The following NBR1 variants were observed in gnomAD, a reference collection of about 807,000 sequenced individuals.
The protein encoded by NBR1 is NBR1 autophagy cargo receptor, also known as next to BRCA1 gene 1 protein.
A neutral mutation model predicts 115.5 loss-of-function variants in NBR1; 59 were observed. That is an observed-to-expected ratio of 0.51 (90% CI 0.41 to 0.63). The LOEUF (loss-of-function observed/expected upper bound fraction) is 0.63. Ranked by LOEUF, NBR1 falls within the 30% of genes least tolerant of loss-of-function variation. The pLI is 0.00. For synonymous variants in NBR1, 373 were observed against 414.7 expected (o/e 0.90, Z 1.22); for missense variants, 1,043 against 1,150.5 (o/e 0.91, Z 1.35).
chr17:43,197,288 G>A (rs1400523348), intron 16 of NBR1, among the ~76,000 whole-genome samples, 182 bp downstream of exon 16: 2 of 152,190 alleles, frequency 1.3e-5, no homozygotes, highest in Non-Finnish European at 2.9e-5. Context: ...GGGAGGCCAA[G>A]GCAGGCGGAT....
chr17:43,204,006 C>T (rs1187433299), intron 20 of NBR1, among the ~76,000 whole-genome samples: 1 of 150,702 alleles, frequency 6.6e-6, no homozygotes, highest in South Asian at 2.1e-4. Flanking sequence ...GGCGCGATCT[C>T]GGCTCACTGC....
intron 20 of NBR1, among the ~76,000 whole-genome samples, chr17:43,204,813 T>TAA (rs1214948352): frequency 0.84 from 102,166 of 122,130 alleles, 45,159 homozygotes; most frequent in East Asian, 0.97. Context: ...GACTCCATCT[T>TAA]AAAAAAAAAA....
At chr17:43,208,682 G>C (rs2057360851) in intron 20 of NBR1, among the ~76,000 whole-genome samples, 2 of 152,188 alleles carry the variant, frequency 1.3e-5, no homozygotes, top group African/African-American at 4.8e-5. Flanking sequence ...AACAGAACCA[G>C]AGGCCAGGCG....
At chr17:43,184,379 T>TTTTTTTTTTTA (rs2056750775) in intron 5 of NBR1, among the ~76,000 whole-genome samples, 1 of 140,920 alleles carries the variant, frequency 7.1e-6, no homozygotes, top group Non-Finnish European at 1.6e-5. Flanking sequence ...ATTCTTTTTT[T>TTTTTTTTTTTA]TTTTGAGACA....
rs1307705267 is a variant in NBR1 at position 43,186,426 on chromosome 17, A to G, written c.384A>G (p.Pro128=). The change falls in exon 6 of 21, where the codon CCA becomes CCG. Residue 128 remains proline (P), a synonymous_variant. Transcript: ENST00000590996. ...TCTTGGGATCAGACATGAAGACCCC[A>G]GAGGATCCTGCAGTGCAGGTATGAA... The part of the protein sequence containing the change: ...VRVLGSDMKT[P]EDPAVQSFPL... 2.5e-6 allele frequency: 4 copies of G among 1,590,622 alleles called. No individual in the cohort carries two copies. Among genetic ancestry groups the G allele is most frequent in the Admixed American group, 1.8e-5 (1 of 54,670 alleles).
chr17:43,207,926 T>C (rs1426199291), intron 20 of NBR1, among the ~76,000 whole-genome samples: 1 of 152,060 alleles, frequency 6.6e-6, no homozygotes, highest in Non-Finnish European at 1.5e-5. Context: ...CTACAGATTA[T>C]AGCAGAAGCC....
intron 3 of NBR1, among the ~76,000 whole-genome samples, chr17:43,178,768 C>CT (rs770102583): frequency 3.2e-3 from 408 of 127,190 alleles, no homozygotes; most frequent in South Asian, 3.8e-3. Context: ...AATGGCTAAG[C>CT]TTTTTTTTTT....
At chr17:43,184,216 T>A (rs1266298017) in intron 5 of NBR1, among the ~76,000 whole-genome samples, 3 of 151,128 alleles carry the variant, frequency 2.0e-5, no homozygotes, top group Non-Finnish European at 4.4e-5. Flanking sequence ...CATGCTCCGA[T>A]GATTTTTAAA....
rs1197280280 is a variant in NBR1, at chr17:43,175,775, A to G, written c.-9-16A>G. The G allele has an allele frequency of 3.1e-6, 4 of 1,271,146 alleles. No individual in the cohort carries two copies. The Admixed American group carries it at 8.1e-5, about 26-fold the overall frequency. 78.7% of individuals were successfully genotyped at this position (1,271,146 alleles called of 1,614,324 possible). On this transcript the variant is annotated splice_polypyrimidine_tract_variant and intron_variant, in intron 1 of 20. Transcript: ENST00000590996. ...ATGTGTTTTTCTCTCTCTCCCACCAACCTTCTCAACCCTAGCCTCACAGCA... is the reference window on the plus strand; with the variant it reads ...ATGTGTTTTTCTCTCTCTCCCACCAGCCTTCTCAACCCTAGCCTCACAGCA...
chr17:43,194,571 AG>A, intron 13 of NBR1, 72 bp downstream of exon 13: 1 of 1,543,296 alleles, frequency 6.5e-7, no homozygotes, highest in East Asian at 2.3e-5. Context: ...GTAGAGCCAT[AG>A]GCAGTAATCA....
At chr17:43,176,266 G>A (rs749945977) in intron 2 of NBR1, 16 of 170,232 alleles carry the variant, frequency 9.4e-5, no homozygotes, top group Non-Finnish European at 1.7e-4. Context: ...CTTGTGTTTT[G>A]CACAAGGATA....
At chr17:43,201,610 T>C in intron 17 of NBR1, 76 bp from the exon 18 acceptor site, 1 of 843,732 alleles carries the variant, frequency 1.2e-6, no homozygotes, top group East Asian at 2.5e-5. Flanking sequence ...GGCACTGCTG[T>C]GCTGTGTTTA....
At chr17:43,189,185 G>A in intron 7 of NBR1, 66 bp downstream of exon 7, 1 of 1,206,364 alleles carries the variant, frequency 8.3e-7, no homozygotes, top group Non-Finnish European at 1.2e-6. Context: ...GGAAGAAATA[G>A]AAAACTGAAC....
intron 2 of NBR1, among the ~76,000 whole-genome samples, chr17:43,177,397 G>A (rs1001553477): frequency 6.6e-6 from 1 of 150,410 alleles, no homozygotes; most frequent in East Asian, 1.9e-4. Context: ...ATACAAATGT[G>A]AGATTAATGG....
chr17:43,204,813 TAA>T (rs1214948352), intron 20 of NBR1, among the ~76,000 whole-genome samples: 1 of 122,270 alleles, frequency 8.2e-6, no homozygotes, highest in Non-Finnish European at 1.6e-5. Flanking sequence ...GACTCCATCT[TAA>T]AAAAAAAAAA....
rs535454049 is a variant in NBR1 at position 43,209,176 on chromosome 17, A to G, written c.2728-725A>G. 4.9e-3 allele frequency among the ~76,000 whole-genome samples: 738 copies of G among 151,286 alleles called. 3 individuals carry two copies. The highest frequency in any genetic ancestry group is 8.4e-3 in the Non-Finnish European group (572 of 67,856). Reference sequence around the variant, plus strand: ...ACTGCAAGCTCCACCTCCTGGGTTCACGCCGTTGTCCTGCCTCAGCCTCCC... The same window carrying G: ...ACTGCAAGCTCCACCTCCTGGGTTCGCGCCGTTGTCCTGCCTCAGCCTCCC... On this transcript the variant is annotated intron_variant, in intron 20 of 20. Coordinates refer to ENST00000590996, the MANE Select transcript of NBR1 (RefSeq NM_005899.5).
chr17:43,201,844 A>ATAG, intron 18 of NBR1, 64 bp downstream of exon 18: 1 of 926,234 alleles, frequency 1.1e-6, no homozygotes, highest in Middle Eastern at 2.2e-4. Context: ...CCAGGTATAA[A>ATAG]TAGCCTCTCT....
chr17:43,207,126 G>A (rs2057333291), intron 20 of NBR1, among the ~76,000 whole-genome samples: 1 of 152,150 alleles, frequency 6.6e-6, no homozygotes, highest in Non-Finnish European at 1.5e-5. Context: ...CATTCATTAA[G>A]AGCAGAAGAA....
chr17:43,172,741 C>T (rs974999579), intron 1 of NBR1, among the ~76,000 whole-genome samples: 2 of 152,164 alleles, frequency 1.3e-5, no homozygotes, highest in African/African-American at 4.8e-5. Flanking sequence ...CTTTAAATGA[C>T]AGTCTTAATT....
Sources: gnomAD v4.1 joint callset for allele counts (sites outside exome capture counted in the v4.1 genomes callset) on GRCh38, gnomAD v4.1.1 for gene constraint, MANE v1.5 for transcripts, NCBI Gene and HGNC (gene_info 2026-07-23, HGNC 2026-07-21) for gene names.